The following GOLIM4 variants were observed in gnomAD, a reference collection of about 807,000 sequenced individuals.
GOLIM4 encodes the protein 130 kDa golgi-localized phosphoprotein.
In GOLIM4, 71 loss-of-function variants were observed where a neutral mutation model predicts 107.4. The observed-to-expected ratio is 0.66, with a 90% CI of 0.55 to 0.81. The LOEUF (loss-of-function observed/expected upper bound fraction) is 0.81, where lower values mean the gene tolerates loss of function less well. GOLIM4 is among the 30% of genes least tolerant of loss of function. GOLIM4 has a pLI of 0.00. For synonymous variants in GOLIM4, 327 were observed against 294.8 expected (o/e 1.11, Z -1.12); for missense variants, 830 against 826.1 (o/e 1.00, Z -0.06).
intron 2 of GOLIM4, among the ~76,000 whole-genome samples, chr3:168,047,356 C>T (rs1013912523): frequency 2.0e-5 from 3 of 152,164 alleles, no homozygotes; most frequent in Admixed American, 1.3e-4. Context: ...CTAGATGGCA[C>T]ACTAAAATCA....
chr3:168,084,375 G>T (rs1247795864), intron 1 of GOLIM4, among the ~76,000 whole-genome samples: 1 of 152,164 alleles, frequency 6.6e-6, no homozygotes, highest in East Asian at 1.9e-4. Flanking sequence ...TAATACACTT[G>T]CCCTGGGGGT....
At chr3:168,054,392 C>T (rs1254617004) in intron 1 of GOLIM4, among the ~76,000 whole-genome samples, 5 of 152,132 alleles carry the variant, frequency 3.3e-5, no homozygotes, top group Admixed American at 3.3e-4. Flanking sequence ...TCCCCTCAGC[C>T]CCTCCTACTG....
At chr3:168,033,084 A>G (rs1040310825) in intron 8 of GOLIM4, among the ~76,000 whole-genome samples, 3 of 152,210 alleles carry the variant, frequency 2.0e-5, no homozygotes, top group Admixed American at 1.3e-4. Context: ...GAATACAGTA[A>G]ATAACCTGGA....
intron 1 of GOLIM4, among the ~76,000 whole-genome samples, chr3:168,070,379 C>A (rs577233758): frequency 6.6e-6 from 1 of 152,124 alleles, no homozygotes; most frequent in Non-Finnish European, 1.5e-5. Flanking sequence ...GGCAACAGAG[C>A]GAGACTCCGT....
chr3:168,019,982 T>C (rs1262636640), intron 14 of GOLIM4, among the ~76,000 whole-genome samples: 2 of 152,132 alleles, frequency 1.3e-5, no homozygotes, highest in Non-Finnish European at 2.9e-5. Flanking sequence ...TGTATTTCCA[T>C]TGTTCTGTCT....
At chr3:168,040,302 G>T (rs1475457494) in intron 7 of GOLIM4, among the ~76,000 whole-genome samples, 1 of 152,110 alleles carries the variant, frequency 6.6e-6, no homozygotes, top group African/African-American at 2.4e-5. Flanking sequence ...CTTCTCTGTT[G>T]ACTCTTCTAC....
At chr3:168,055,725 C>G (rs1396043588) in intron 1 of GOLIM4, among the ~76,000 whole-genome samples, 1 of 149,878 alleles carries the variant, frequency 6.7e-6, no homozygotes, top group Non-Finnish European at 1.5e-5. Flanking sequence ...TGGTGTGAAC[C>G]CAGGAGGCGG....
Position 168,024,914 on chromosome 3 carries a change from T to C in GOLIM4, c.1791+14A>G. On this transcript the variant is annotated intron_variant, in intron 13 of 15. Transcript: ENST00000470487. ...GCCCAGTTAAATCCACCCTTCCTCG[T>C]GGCATCTGCTTACCACCAAATGTTC... The C allele has an allele frequency of 6.2e-7, 1 of 1,607,442 alleles. No homozygotes were observed. The highest frequency in any genetic ancestry group is 1.1e-5 in the South Asian group (1 of 90,818).
At chr3:168,090,901 A>C (rs1201332437) in intron 1 of GOLIM4, among the ~76,000 whole-genome samples, 1 of 152,226 alleles carries the variant, frequency 6.6e-6, no homozygotes, top group Non-Finnish European at 1.5e-5. Context: ...CATTATCCTA[A>C]GGGAAATAAC....
intron 1 of GOLIM4, 129 bp from the exon 2 acceptor site, chr3:168,048,494 T>A: frequency 3.4e-6 from 2 of 585,440 alleles, no homozygotes; most frequent in East Asian, 5.8e-5. Flanking sequence ...CATATGTGTT[T>A]TAAGTTCCCC....
At chr3:168,056,858 A>G (rs1189640219) in intron 1 of GOLIM4, among the ~76,000 whole-genome samples, 1 of 152,202 alleles carries the variant, frequency 6.6e-6, no homozygotes, top group Non-Finnish European at 1.5e-5. Flanking sequence ...CTTGTCTCAG[A>G]TAAGACTTTG....
In GOLIM4 at chr3:168,083,932, A is replaced by G. The variant is rs552948571; in HGVS notation, c.187+11167T>C. Among the ~76,000 whole-genome samples the G allele has an allele frequency of 2.6e-5, 4 of 152,264 alleles. No individual in the cohort carries two copies. The East Asian group carries it at 7.7e-4, about 29-fold the overall frequency. On this transcript the variant is annotated intron_variant, in intron 1 of 15. Transcript: ENST00000470487. Reference sequence around the variant, plus strand: ...AATATGGCAGAAGTGATGAGATACCACTTCCAAGATTAGGTTATTAAAACA... The same window carrying G: ...AATATGGCAGAAGTGATGAGATACCGCTTCCAAGATTAGGTTATTAAAACA...
intron 1 of GOLIM4, among the ~76,000 whole-genome samples, chr3:168,066,363 T>C (rs1577558862): frequency 6.6e-6 from 1 of 152,310 alleles, no homozygotes; most frequent in East Asian, 1.9e-4. Flanking sequence ...TTATATTACA[T>C]ATTCATTTTC....
chr3:168,029,853 C>A lies in GOLIM4; in HGVS notation c.1360G>T (p.Val454Leu), dbSNP rs1389085614. 1 of 1,603,866 alleles carries A rather than the reference C, an allele frequency of 6.2e-7. No homozygotes were observed. The highest frequency in any genetic ancestry group is 8.5e-7 in the Non-Finnish European group (1 of 1,174,048). ...LRQQEQQQQQVAREMALQRQA... is the reference protein window; with the variant it reads ...LRQQEQQQQQLAREMALQRQA... The stretch of plus-strand genomic sequence containing the variant: ...CTCTGCAGGGCCATCTCTCTTGCCA[C>A]CTGCTGCTGCTGCTGTTCCTGCTGC... Residue 454 changes from valine to leucine, a missense_variant, in exon 10 of 16, where the codon GTG (valine) becomes TTG (leucine). Physicochemically the swap from Val to Leu is conservative, Grantham distance 32 (BLOSUM62 1). Coordinates refer to ENST00000470487, the MANE Select transcript of GOLIM4 (RefSeq NM_014498.5).
chr3:168,028,029 G>A (rs891733651), intron 11 of GOLIM4, among the ~76,000 whole-genome samples, 192 bp from the exon 12 acceptor site: 1 of 152,212 alleles, frequency 6.6e-6, no homozygotes, highest in African/African-American at 2.4e-5. Context: ...TGTCTAGAGA[G>A]ATGATATGGG....
At position 168,040,808 on chromosome 3, in the gene GOLIM4, T is replaced by C. The variant is rs140610146; in HGVS notation, c.662A>G (p.Lys221Arg). ...EQLVVTLEDHKSALAAAQTQV... is the reference protein window; with the variant it reads ...EQLVVTLEDHRSALAAAQTQV... ...AACCTGTGCAGCAGCTAGTGCACTCTTGTGGTCTTCCAAAGTCACTACAAG... is the reference window on the plus strand; with the variant it reads ...AACCTGTGCAGCAGCTAGTGCACTCCTGTGGTCTTCCAAAGTCACTACAAG... The change falls in exon 7 of 16, where the codon AAG becomes AGG. Residue 221 changes from lysine to arginine, a missense_variant. Transcript: ENST00000470487. 8 of 1,612,534 alleles carry C rather than the reference T, an allele frequency of 5.0e-6. No individual in the cohort carries two copies. The African/African-American group carries it at 5.3e-5, about 11-fold the overall frequency.
chr3:168,025,878 C>A lies in GOLIM4; in HGVS notation c.1624-783G>T, dbSNP rs936424380. On this transcript the variant is annotated intron_variant, in intron 12 of 15. Transcript: ENST00000470487. ...ATTTTCCACTTAAGCTCCCAAAGCA[C>A]CTTCCAAATAATACACATCCTAATA... 4.6e-5 allele frequency among the ~76,000 whole-genome samples: 7 copies of A among 152,316 alleles called. 1 individual carries two copies. The highest frequency in any genetic ancestry group is 4.6e-4 in the Admixed American group (7 of 15,296).
intron 5 of GOLIM4, among the ~76,000 whole-genome samples, chr3:168,041,914 C>A (rs1169201888): frequency 6.6e-6 from 1 of 151,926 alleles, no homozygotes; most frequent in Non-Finnish European, 1.5e-5. Flanking sequence ...ATAAAATAAT[C>A]AGAAAGTATA....
In GOLIM4 at chr3:168,048,271, C is replaced by T; in HGVS notation, c.262+20G>A. On this transcript the variant is annotated intron_variant, in intron 2 of 15. Coordinates refer to ENST00000470487, the MANE Select transcript of GOLIM4 (RefSeq NM_014498.5). ...AAGAGTACTGGAAAAACACAGAACA[C>T]AAATTATGTATTTACTTACCTTCCT... is the stretch of plus-strand genomic sequence containing the variant. 1 of 1,243,582 alleles carries T rather than the reference C, an allele frequency of 8.0e-7. No homozygotes were observed. 77.0% of individuals were successfully genotyped at this position (1,243,582 alleles called of 1,614,324 possible).
Sources: gnomAD v4.1 joint callset for allele counts (sites outside exome capture counted in the v4.1 genomes callset) on GRCh38, gnomAD v4.1.1 for gene constraint, MANE v1.5 for transcripts, NCBI Gene and HGNC (gene_info 2026-07-23, HGNC 2026-07-21) for gene names.